Variants in HPX observed in about 807,000 individuals in gnomAD.
The protein encoded by HPX is hemopexin, also known as beta-1B-glycoprotein.
Under a neutral mutation model 53.8 loss-of-function variants are expected in HPX, and 42 were observed. The ratio of observed to expected loss-of-function variants is 0.78; its 90% CI spans 0.61 to 1.01. The LOEUF (loss-of-function observed/expected upper bound fraction) is 1.01, where lower values mean the gene tolerates loss of function less well. Ranked by LOEUF, HPX falls within the 50% of genes least tolerant of loss-of-function variation. The pLI is 0.00. For synonymous variants in HPX, 229 were observed against 221.1 expected (o/e 1.04, Z -0.32); for missense variants, 547 against 594.3 (o/e 0.92, Z 0.83).
At chr11:6,436,810 C>A (rs1387804595) in intron 7 of HPX, among the ~76,000 whole-genome samples, 1 of 152,140 alleles carries the variant, frequency 6.6e-6, no homozygotes, top group Non-Finnish European at 1.5e-5. Context: ...CCACAGGGGG[C>A]ACAGCCATGG....
chr11:6,437,999 G>T, intron 5 of HPX: 1 of 493,538 alleles, frequency 2.0e-6, no homozygotes, highest in Non-Finnish European at 3.6e-6. Context: ...AATAGCATAG[G>T]GTTTCTGGAG....
rs534916957 is a variant in HPX at position 6,432,028 on chromosome 11, C to T, written c.836-11G>A. ...GCCAGTAGTGGGTCCCTGTGGAATA[C>T]CATAGGTTGCTCTAGGGCCGCTGGC... is the stretch of plus-strand genomic sequence containing the variant. On this transcript the variant is annotated splice_polypyrimidine_tract_variant and intron_variant, in intron 7 of 9. Coordinates refer to ENST00000265983, the MANE Select transcript of HPX (RefSeq NM_000613.3). 6 of 1,614,068 alleles carry T rather than the reference C, an allele frequency of 3.7e-6. No homozygotes were observed. The highest frequency in any genetic ancestry group is 2.7e-5 in the African/African-American group (2 of 75,040).
At position 6,431,647 on chromosome 11, in the gene HPX, T is replaced by C. The variant is rs752887654; in HGVS notation, c.1123A>G (p.Met375Val). Residue 375 changes from methionine to valine, a missense_variant, in exon 9 of 10, where the codon ATG becomes GTG. Met to Val is a conservative substitution (Grantham distance 21). Transcript: ENST00000265983. ...ICPGSSRLHI[M>V]AGRRLWWLDL... Reference sequence around the variant, plus strand: ...GCACCCAGAAGCCCCTCACCTGCCATGATATGGAGCCGAGAAGACCCAGGG... The same window carrying C: ...GCACCCAGAAGCCCCTCACCTGCCACGATATGGAGCCGAGAAGACCCAGGG... 3.3e-5 allele frequency: 53 copies of C among 1,613,526 alleles called. No individual in the cohort carries two copies. In the Middle Eastern group the frequency reaches 5.2e-4, roughly 16 times the overall value.
chr11:6,438,867 C>T (rs1416699282), intron 4 of HPX, among the ~76,000 whole-genome samples: 1 of 143,532 alleles, frequency 7.0e-6, no homozygotes. Context: ...TTCATTCATT[C>T]ATCCAAGAAA....
intron 7 of HPX, among the ~76,000 whole-genome samples, chr11:6,433,351 AT>A (rs1590803568): frequency 6.6e-6 from 1 of 152,140 alleles, no homozygotes; most frequent in Non-Finnish European, 1.5e-5. Context: ...CTAATTTTGT[AT>A]TTTTAGTAGA....
chr11:6,438,125 G>A (rs2134136980), intron 5 of HPX: 2 of 576,998 alleles, frequency 3.5e-6, no homozygotes, highest in East Asian at 5.7e-5. Context: ...AAGGGTCATG[G>A]GGAACAATGA....
intron 7 of HPX, among the ~76,000 whole-genome samples, chr11:6,436,826 G>A (rs1849423307): frequency 6.6e-6 from 1 of 152,220 alleles, no homozygotes; most frequent in South Asian, 2.1e-4. Context: ...CATGGGAGTA[G>A]ATGGTAGACA....
chr11:6,440,585 A>C (rs58784357), intron 2 of HPX, 47 bp from the exon 3 acceptor site: 1 of 1,462,540 alleles, frequency 6.8e-7, no homozygotes, highest in South Asian at 1.2e-5. Flanking sequence ...AAAAAAAAAA[A>C]AAAAAAAAAA....
At chr11:6,436,496 G>A (rs1849419060) in intron 7 of HPX, among the ~76,000 whole-genome samples, 1 of 152,216 alleles carries the variant, frequency 6.6e-6, no homozygotes, top group Non-Finnish European at 1.5e-5. Context: ...CCAGAGGCTA[G>A]TGAAGCCAGC....
intron 7 of HPX, among the ~76,000 whole-genome samples, chr11:6,435,652 G>A (rs572302707): frequency 6.6e-6 from 1 of 152,202 alleles, no homozygotes; most frequent in Admixed American, 6.5e-5. Flanking sequence ...TTGCCATGTT[G>A]CCCAGGCTGG....
Position 6,437,458 on chromosome 11 carries a change from TGAA to T in HPX, c.682_684del (p.Phe228del). 6.2e-7 allele frequency: 1 copy of T among 1,613,726 alleles called. No individual in the cohort carries two copies. Among genetic ancestry groups the T allele is most frequent in the Non-Finnish European group, 8.5e-7 (1 of 1,179,958 alleles). On this transcript the variant is annotated inframe_deletion, in exon 6 of 10. Transcript: ENST00000265983. ...TTCTCACCTCTGCCAGGGCAGGGCATGAAGTAGTCTCGGACATCCCGCGGGTAC... is the reference window on the plus strand; with the variant it reads ...TTCTCACCTCTGCCAGGGCAGGGCATGTAGTCTCGGACATCCCGCGGGTAC...
chr11:6,440,314 C>T (rs1275511998), intron 3 of HPX, 28 bp from the exon 4 acceptor site: 3 of 1,613,100 alleles, frequency 1.9e-6, no homozygotes, highest in Non-Finnish European at 1.7e-6. Context: ...CACTGAGGGG[C>T]CCAGTGAGAA....
rs763256541 is a variant in HPX, at chr11:6,440,130, T to A, written c.336+35A>T. 1.9e-6 allele frequency: 3 copies of A among 1,613,538 alleles called. No homozygotes were observed. In the East Asian group the frequency reaches 6.7e-5, roughly 36 times the overall value. On this transcript the variant is annotated intron_variant, in intron 4 of 9. Transcript: ENST00000265983. ...GGGTCCCCAGTGTCGATTCCAGCCC[T>A]TTCCAGCCTGGCCCTGATTTTGGCC...
chr11:6,440,142 C>G (rs766714545), intron 4 of HPX, 23 bp downstream of exon 4: 18 of 1,613,940 alleles, frequency 1.1e-5, no homozygotes, highest in Non-Finnish European at 1.4e-5. Context: ...TCCAGCCTGG[C>G]CCTGATTTTG....
intron 4 of HPX, chr11:6,439,939 T>G: frequency 1.7e-6 from 1 of 597,376 alleles, no homozygotes. Flanking sequence ...AGCAGAGCGG[T>G]GTAGAACTAA....
At chr11:6,437,384 A>C in intron 6 of HPX, 56 bp downstream of exon 6, 1 of 1,505,840 alleles carries the variant, frequency 6.6e-7, no homozygotes, top group Non-Finnish European at 9.2e-7. Context: ...TGAGATCCAC[A>C]AGCTCAGGGA....
At chr11:6,435,147 C>T (rs770362858) in intron 7 of HPX, among the ~76,000 whole-genome samples, 30 of 152,110 alleles carry the variant, frequency 2.0e-4, no homozygotes, top group Admixed American at 3.3e-4. Context: ...TGGTGGTATG[C>T]GCCTGTAGTC....
At position 6,440,713 on chromosome 11, in the gene HPX, T is replaced by C; in HGVS notation, c.101A>G (p.Asn34Ser). 2 of 1,613,258 alleles carry C rather than the reference T, an allele frequency of 1.2e-6. No individual in the cohort carries two copies. Among genetic ancestry groups the C allele is most frequent in the Non-Finnish European group, 1.7e-6 (2 of 1,179,814 alleles). Residue 34 changes from asparagine (N) to serine (S), a missense_variant, in exon 2 of 10, where the codon AAT becomes AGT. Transcript: ENST00000265983. ...TGGCTTGGTCTCGCCTTCAGCAACA[T>C]TCCCATGGGCACTAGTCCTAGGGAG... is the stretch of plus-strand genomic sequence containing the variant. ...TPLPPTSAHG[N>S]VAEGETKPDP...
rs752543490 is a variant in HPX, at chr11:6,440,568, A to T, written c.143-30T>A. The T allele has an allele frequency of 1.0e-3, 53 of 51,200 alleles. No individual in the cohort carries two copies. The Admixed American group carries it at 0.015, about 15-fold the overall frequency. The allele number at this position is 51,200 out of a possible 1,614,324, so 3.2% of individuals were successfully genotyped here. On this transcript the variant is annotated intron_variant, in intron 2 of 9. Transcript: ENST00000265983. Reference sequence around the variant, plus strand: ...GGTGGAGGTAGGGAGATGGCAAAGTAAAAAAAAAAAAAAAAAAAAAAAAAA... The same window carrying T: ...GGTGGAGGTAGGGAGATGGCAAAGTTAAAAAAAAAAAAAAAAAAAAAAAAA...
Sources: gnomAD v4.1 joint callset for allele counts (sites outside exome capture counted in the v4.1 genomes callset) on GRCh38, gnomAD v4.1.1 for gene constraint, MANE v1.5 for transcripts, NCBI Gene and HGNC (gene_info 2026-07-23, HGNC 2026-07-21) for gene names.